NPC1L1: variants seen among roughly 807,000 people sequenced by gnomAD.
NPC1L1 encodes the protein NPC1 like intracellular cholesterol transporter 1.
NPC1L1 carries 98 observed loss-of-function variants against 117.0 expected under a neutral mutation model. The observed-to-expected ratio is 0.84, with a 90% confidence interval of 0.71 to 0.99. NPC1L1 has a LOEUF of 0.99. Ranked by LOEUF, NPC1L1 falls within the 50% of genes least tolerant of loss-of-function variation. NPC1L1 has a pLI of 0.00. For missense variants in NPC1L1, 1,540 were observed against 1,710.0 expected (o/e 0.90, Z 1.75); for synonymous variants, 729 against 727.6 (o/e 1.00, Z -0.03).
rs1801903526 is a variant in NPC1L1 at position 44,536,615 on chromosome 7, C to T, written c.1682-187G>A. 6.6e-6 allele frequency among the ~76,000 whole-genome samples: 1 copy of T among 152,004 alleles called. No individual in the cohort carries two copies. The highest frequency in any genetic ancestry group is 1.5e-5 in the Non-Finnish European group (1 of 67,998). On this transcript the variant is annotated intron_variant, in intron 3 of 18. Coordinates refer to ENST00000381160, the MANE Select transcript of NPC1L1 (RefSeq NM_001101648.2). The surrounding 1 kb of genome is among the most constrained non-coding windows in gnomAD (Gnocchi z 4.7). ...ACACCCCACTTCTCTCAGCCAAAGG[C>T]GAGACCTTTGGGCCCAGGCAGAAAA...
Position 44,521,049 on chromosome 7 carries a change from A to G in NPC1L1, c.3023T>C (p.Phe1008Ser). 6.2e-7 allele frequency: 1 copy of G among 1,614,146 alleles called. No homozygotes were observed. Among genetic ancestry groups the G allele is most frequent in the East Asian group, 2.2e-5 (1 of 44,878 alleles). Residue 1008 changes from phenylalanine (F) to serine (S), a missense_variant, in exon 13 of 19, where the codon TTC becomes TCC. Physicochemically the swap from Phe to Ser is radical, Grantham distance 155 (BLOSUM62 -2). Around this residue, in one of 3 missense-constraint regions of NPC1L1, gnomAD observed 742 missense variants for 873.6 expected, o/e 0.85. Coordinates refer to ENST00000381160, the MANE Select transcript of NPC1L1 (RefSeq NM_001101648.2). The stretch of plus-strand genomic sequence containing the variant: ...CAGGAACCAGGGAAGATACTTATGG[A>G]ACTGCTCCACCGAGGGCCTCACAGA... ...MGSVRPSVEQ[F>S]HKYLPWFLND...
In NPC1L1 at chr7:44,536,150, C is replaced by T. The variant is rs1391184630; in HGVS notation, c.1854+106G>A. On this transcript the variant is annotated intron_variant, in intron 4 of 18. Transcript: ENST00000381160. The surrounding 1 kb of genome is among the most constrained non-coding windows in gnomAD (Gnocchi z 4.7). ...TCACCCCGTTCTGAGCAGGCAGCCA[C>T]TGCCCAGGGTCACTTAGGAAGGGCC... The T allele has an allele frequency of 4.5e-6, 7 of 1,568,624 alleles. No homozygotes were observed. The highest frequency in any genetic ancestry group is 3.3e-5 in the Admixed American group (2 of 59,914).
Position 44,538,825 on chromosome 7 carries a change from G to A in NPC1L1, c.1572C>T (p.Tyr524=), listed in dbSNP as rs764693162. 33 of 1,614,044 alleles carry A rather than the reference G, an allele frequency of 2.0e-5. No homozygotes were observed. Among genetic ancestry groups the A allele is most frequent in the African/African-American group, 4.0e-5 (3 of 74,950 alleles). Residue 524 remains tyrosine (Y), a synonymous_variant, in exon 2 of 19, where the codon TAC becomes TAT. Coordinates refer to ENST00000381160, the MANE Select transcript of NPC1L1 (RefSeq NM_001101648.2). The surrounding 1 kb of genome is among the most constrained non-coding windows in gnomAD (Gnocchi z 5.9). ...CCCCACCATGGACTCACTTGGCACA[G>A]TACAGAAAATGGTCCTTCCAGTCGA... ...SQVDWKDHFL[Y]CANAPLTFKD...
Position 44,539,532 on chromosome 7 carries a change from T to G in NPC1L1, c.865A>C (p.Ile289Leu). The G allele has an allele frequency of 6.2e-7, 1 of 1,613,698 alleles. No homozygotes were observed. Among genetic ancestry groups the G allele is most frequent in the South Asian group, 1.1e-5 (1 of 91,054 alleles). ...ACAGCGAAGACAGAGCAGAGGATGATGATGAGGACCAGACTGCCCGGCATC... is the reference window on the plus strand; with the variant it reads ...ACAGCGAAGACAGAGCAGAGGATGAGGATGAGGACCAGACTGCCCGGCATC... ...GQMPGSLVLI[I>L]ILCSVFAVVT... Residue 289 changes from isoleucine (I) to leucine (L), a missense_variant, in exon 2 of 19, where the codon ATC (isoleucine) becomes CTC (leucine). Around this residue, in one of 3 missense-constraint regions of NPC1L1, gnomAD observed 793 missense variants for 820.4 expected, o/e 0.97. Transcript: ENST00000381160. The surrounding 1 kb of genome is among the most constrained non-coding windows in gnomAD (Gnocchi z 4.4).
At position 44,539,418 on chromosome 7, in the gene NPC1L1, C is replaced by T. The variant is rs199802741; in HGVS notation, c.979G>A (p.Asp327Asn). The T allele has an allele frequency of 2.5e-5, 40 of 1,614,136 alleles. No individual in the cohort carries two copies. The African/African-American group carries it at 3.3e-4, about 13-fold the overall frequency. The change falls in exon 2 of 19, where the codon GAC (aspartate) becomes AAC (asparagine). Residue 327 changes from aspartate (D) to asparagine (N), a missense_variant. Transcript: ENST00000381160. This position sits in a 1 kb window ranked among gnomAD's most constrained non-coding sequence, Gnocchi z 4.4. ...GTGTGGGTGGAGAAGCTGAGCTTGT[C>T]AGAGAGGCTGGTGCCCTTCTTGGGG... ...VDPKKGTSLS[D>N]KLSFSTHTLL...
intron 2 of NPC1L1, among the ~76,000 whole-genome samples, chr7:44,537,235 T>A (rs1481240979): frequency 6.6e-6 from 1 of 152,206 alleles, no homozygotes; most frequent in Admixed American, 6.5e-5. Flanking sequence ...CAGGGGCTGC[T>A]CCGGGACCTG....
In NPC1L1 at chr7:44,517,306, G is replaced by A. The variant is rs754213870; in HGVS notation, c.3188C>T (p.Thr1063Ile). 2.5e-6 allele frequency: 4 copies of A among 1,614,074 alleles called. No homozygotes were observed. Among genetic ancestry groups the A allele is most frequent in the Non-Finnish European group, 3.4e-6 (4 of 1,180,036 alleles). ...CTCTCGAGCTGCCCGCAGAGCTTCT[G>A]TGTAATCCTGTGAGTTTTTCAGGGG... ...HKPLKNSQDY[T>I]EALRAARELA... Residue 1063 changes from threonine (T) to isoleucine (I), a missense_variant, in exon 15 of 19, where the codon ACA becomes ATA. By Grantham distance (89) the Thr-to-Ile change is moderately conservative. Transcript: ENST00000381160.
intron 2 of NPC1L1, among the ~76,000 whole-genome samples, chr7:44,537,606 C>G (rs943844197): frequency 1.3e-5 from 2 of 152,170 alleles, no homozygotes; most frequent in Non-Finnish European, 2.9e-5. Flanking sequence ...AAGCTCTCTA[C>G]CCCCCTCTCT....
At position 44,538,699 on chromosome 7, in the gene NPC1L1, G is replaced by T; in HGVS notation, c.1580+118C>A. 9.7e-7 allele frequency: 1 copy of T among 1,034,958 alleles called. No individual in the cohort carries two copies. The highest frequency in any genetic ancestry group is 1.3e-5 in the South Asian group (1 of 78,744). 64.1% of individuals were successfully genotyped at this position (1,034,958 alleles called of 1,614,324 possible). Reference sequence around the variant, plus strand: ...GGGCGGCCCCAGGCCAGAGCCGTAGGAATAGCTACCTCTGGTCCTTCAGGA... The same window carrying T: ...GGGCGGCCCCAGGCCAGAGCCGTAGTAATAGCTACCTCTGGTCCTTCAGGA... On this transcript the variant is annotated intron_variant, in intron 2 of 18. Coordinates refer to ENST00000381160, the MANE Select transcript of NPC1L1 (RefSeq NM_001101648.2). This position sits in a 1 kb window ranked among gnomAD's most constrained non-coding sequence, Gnocchi z 5.9.
rs200554468 is a variant in NPC1L1, at chr7:44,539,594, C to T, written c.803G>A (p.Arg268His). The T allele has an allele frequency of 4.6e-5, 74 of 1,613,946 alleles. No homozygotes were observed. The highest frequency in any genetic ancestry group is 8.8e-5 in the South Asian group (8 of 91,084). The change falls in exon 2 of 19, where the codon CGC (arginine) becomes CAC (histidine). Residue 268 changes from arginine (R) to histidine (H), a missense_variant. Arg to His is a conservative substitution (Grantham distance 29). Around this residue, in one of 3 missense-constraint regions of NPC1L1, gnomAD observed 793 missense variants for 820.4 expected, o/e 0.97. Coordinates refer to ENST00000381160, the MANE Select transcript of NPC1L1 (RefSeq NM_001101648.2). This position sits in a 1 kb window ranked among gnomAD's most constrained non-coding sequence, Gnocchi z 4.4. ...DCAASCPAIA[R>H]PQALDSTFYL... ...GAAGGTGGAGTCGAGGGCCTGGGGG[C>T]GGGCTATGGCAGGACAGGATGCAGC...
rs1216985518 is a variant in NPC1L1, at chr7:44,516,079, C to T, written c.3633+5G>A. On this transcript the variant is annotated splice_donor_5th_base_variant and intron_variant, in intron 17 of 18. Coordinates refer to ENST00000381160, the MANE Select transcript of NPC1L1 (RefSeq NM_001101648.2). ...GCACAGGGTGGCCCACTCCTCTCCA[C>T]TCACCGCACTTCCCATAGAGATGGT... 2 of 1,610,440 alleles carry T rather than the reference C, an allele frequency of 1.2e-6. No homozygotes were observed. Among genetic ancestry groups the T allele is most frequent in the South Asian group, 2.2e-5 (2 of 90,414 alleles).
At chr7:44,533,589 C>T in intron 7 of NPC1L1, 31 bp from the exon 8 acceptor site, 1 of 1,614,038 alleles carries the variant, frequency 6.2e-7, no homozygotes, top group Non-Finnish European at 8.5e-7. Context: ...GTCAGGGCAC[C>T]CTGGCTTCAA....
chr7:44,521,531 CA>C (rs1801352029), intron 12 of NPC1L1, among the ~76,000 whole-genome samples, 180 bp downstream of exon 12: 1 of 152,226 alleles, frequency 6.6e-6, no homozygotes, highest in Admixed American at 6.5e-5. Flanking sequence ...CCAGCACGGT[CA>C]CCCACACAGG....
chr7:44,536,169 A>G lies in NPC1L1; in HGVS notation c.1854+87T>C. 6.3e-7 allele frequency: 1 copy of G among 1,590,436 alleles called. No homozygotes were observed. The highest frequency in any genetic ancestry group is 1.1e-5 in the South Asian group (1 of 90,410). On this transcript the variant is annotated intron_variant, in intron 4 of 18. Coordinates refer to ENST00000381160, the MANE Select transcript of NPC1L1 (RefSeq NM_001101648.2). This position sits in a 1 kb window ranked among gnomAD's most constrained non-coding sequence, Gnocchi z 4.7. ...CAGCCACTGCCCAGGGTCACTTAGG[A>G]AGGGCCAGGGCCAGGATGGGGACAC... is the stretch of plus-strand genomic sequence containing the variant.
chr7:44,539,739 A>C lies in NPC1L1; in HGVS notation c.658T>G (p.Phe220Val), dbSNP rs1802025389. ...GCCTGGCCAGGCTCCAAGAGGTGGA[A>C]GGTGATGTCCAGTGGGGCCAGACCA... The part of the protein sequence containing the change: ...GNGLAPLDIT[F>V]HLLEPGQAVG... The change falls in exon 2 of 19, where the codon TTC becomes GTC. Residue 220 changes from phenylalanine to valine, a missense_variant. Physicochemically the swap from Phe to Val is conservative, Grantham distance 50. This residue lies in a region of NPC1L1 where 793 missense variants were observed against 820.4 expected (regional missense o/e 0.97). Transcript: ENST00000381160. This position sits in a 1 kb window ranked among gnomAD's most constrained non-coding sequence, Gnocchi z 4.4. The C allele has an allele frequency of 1.7e-5, 28 of 1,614,132 alleles. No homozygotes were observed. Among genetic ancestry groups the C allele is most frequent in the Non-Finnish European group, 2.4e-5 (28 of 1,180,028 alleles).
At chr7:44,532,966 T>C (rs1239252146) in intron 8 of NPC1L1, among the ~76,000 whole-genome samples, 1 of 152,080 alleles carries the variant, frequency 6.6e-6, no homozygotes, top group Non-Finnish European at 1.5e-5. Flanking sequence ...TAGCCAGGCG[T>C]GCAGGAGGAG....
intron 10 of NPC1L1, among the ~76,000 whole-genome samples, chr7:44,523,986 G>A (rs564329880): frequency 7.2e-5 from 11 of 152,286 alleles, no homozygotes; most frequent in East Asian, 1.9e-4. Context: ...TCCCACCACC[G>A]TTGTTGCAAC....
Position 44,534,162 on chromosome 7 carries a change from C to G in NPC1L1, c.2166+285G>C, listed in dbSNP as rs217406. Reference sequence around the variant, plus strand: ...ATTTATCCTTACCATGGAATGCTACCTAGCAGCATAAAGACAGGAGGAGGC... The same window carrying G: ...ATTTATCCTTACCATGGAATGCTACGTAGCAGCATAAAGACAGGAGGAGGC... On this transcript the variant is annotated intron_variant, in intron 6 of 18. Coordinates refer to ENST00000381160, the MANE Select transcript of NPC1L1 (RefSeq NM_001101648.2). The surrounding 1 kb of genome is among the most constrained non-coding windows in gnomAD (Gnocchi z 5.2). Among the ~76,000 whole-genome samples, 31,764 of 152,126 alleles carry G rather than the reference C, an allele frequency of 0.21. 3,817 individuals carry two copies. The highest frequency in any genetic ancestry group is 0.31 in the African/African-American group (12,749 of 41,482).
intron 16 of NPC1L1, 67 bp from the exon 17 acceptor site, chr7:44,516,264 C>T: frequency 1.5e-6 from 2 of 1,359,018 alleles, no homozygotes; most frequent in Non-Finnish European, 2.1e-6. Flanking sequence ...GAGATGAGGC[C>T]TCCACCAGGA....
Sources: gnomAD v4.1 joint callset for allele counts (sites outside exome capture counted in the v4.1 genomes callset) on GRCh38, gnomAD v4.1.1 for gene constraint, gnomAD v4.1.1 regional missense constraint, Gnocchi (gnomAD v3.1) non-coding constraint, MANE v1.5 for transcripts, NCBI Gene and HGNC (gene_info 2026-07-23, HGNC 2026-07-21) for gene names.